RASGRP3: variants seen among roughly 807,000 people sequenced by gnomAD.
RASGRP3 encodes the protein ras guanyl-releasing protein 3.
In RASGRP3, 54 loss-of-function variants were observed where a neutral mutation model predicts 82.7. That is an observed-to-expected ratio of 0.65 (90% CI 0.52 to 0.82). The LOEUF is 0.82. RASGRP3 is among the 40% of genes least tolerant of loss of function. The probability of loss-of-function intolerance (pLI) is 0.00; values close to 1 mark genes in which losing one functional copy is unlikely to be tolerated. For synonymous variants in RASGRP3, 309 were observed against 300.5 expected (o/e 1.03, Z -0.29); for missense variants, 861 against 828.9 (o/e 1.04, Z -0.48).
At chr2:33,550,932 A>C (rs1396783965) in intron 14 of RASGRP3, among the ~76,000 whole-genome samples, 1 of 152,184 alleles carries the variant, frequency 6.6e-6, no homozygotes, top group African/African-American at 2.4e-5. Flanking sequence ...AAGCCAGTCT[A>C]ACTAGCTCTC....
chr2:33,472,287 A>T (rs1667102993), upstream of RASGRP3, among the ~76,000 whole-genome samples: 1 of 152,226 alleles, frequency 6.6e-6, no homozygotes, highest in African/African-American at 2.4e-5. Context: ...ATAATACAGA[A>T]AGAAATGCAA....
intron 2 of RASGRP3, among the ~76,000 whole-genome samples, chr2:33,465,725 A>C (rs900557788): frequency 2.0e-5 from 3 of 152,242 alleles, no homozygotes; most frequent in African/African-American, 7.2e-5. Flanking sequence ...GCTAGAAAGA[A>C]GTCCATGTCT....
chr2:33,513,908 A>G (rs1467813271), intron 2 of RASGRP3: 2 of 152,218 alleles, frequency 1.3e-5, no homozygotes, highest in Admixed American at 6.5e-5. Context: ...AGGCAAAACT[A>G]TGATGGTTTG....
chr2:33,436,472 G>A (rs528116071), exon 1 of RASGRP3: 1 of 152,308 alleles, frequency 6.6e-6, no homozygotes, highest in African/African-American at 2.4e-5. Context: ...CAGCATTTTA[G>A]AAGACAGAAC....
chr2:33,480,279 G>C (rs998374746), intron 1 of RASGRP3, among the ~76,000 whole-genome samples: 20 of 152,254 alleles, frequency 1.3e-4, no homozygotes, highest in Admixed American at 1.3e-3. Flanking sequence ...TCCTGACCTG[G>C]TGATCCACCC....
chr2:33,454,102 C>G (rs1354657008), intron 2 of RASGRP3, among the ~76,000 whole-genome samples: 4 of 150,558 alleles, frequency 2.7e-5, no homozygotes, highest in Non-Finnish European at 5.9e-5. Flanking sequence ...TGAGTCAATT[C>G]TTGTTACTTT....
intron 1 of RASGRP3, among the ~76,000 whole-genome samples, chr2:33,492,720 T>A (rs779607599): frequency 9.2e-5 from 14 of 152,106 alleles, no homozygotes; most frequent in Non-Finnish European, 1.6e-4. Flanking sequence ...CTGTGAGAAA[T>A]AAATTTCTGT....
Position 33,522,016 on chromosome 2 carries a change from G to T in RASGRP3, c.430G>T (p.Ala144Ser), listed in dbSNP as rs1266501844. Residue 144 changes from alanine to serine, a missense_variant, in exon 7 of 18, where the codon GCC becomes TCC. By Grantham distance (99) the Ala-to-Ser change is moderately conservative (BLOSUM62 1). Transcript: ENST00000403687. ...QRKKVSKKGK[A>S]CLLFDHLEPI... ...GAAAAAAGTATCCAAGAAGGGAAAA[G>T]CCTGTCTGCTGTTTGACCATCTGGA... The T allele has an allele frequency of 6.2e-7, 1 of 1,613,818 alleles. No homozygotes were observed. The highest frequency in any genetic ancestry group is 8.5e-7 in the Non-Finnish European group (1 of 1,179,858).
At chr2:33,437,923 T>C (rs1665012482) in intron 1 of RASGRP3, among the ~76,000 whole-genome samples, 1 of 152,188 alleles carries the variant, frequency 6.6e-6, no homozygotes, top group African/African-American at 2.4e-5. Flanking sequence ...TTTCAGGACA[T>C]TCCAGTGCTG....
In RASGRP3 at chr2:33,558,971, C is replaced by T. The variant is rs376854458; in HGVS notation, c.2005C>T (p.Arg669Trp). The part of the protein sequence containing the change: ...RVHAGVDVVD[R>W]GTEFELDQDE... Reference sequence around the variant, plus strand: ...GCATGCTGGTGTGGATGTTGTAGACCGGGGCACGGAGTTTGAACTTGACCA... The same window carrying T: ...GCATGCTGGTGTGGATGTTGTAGACTGGGGCACGGAGTTTGAACTTGACCA... Residue 669 changes from arginine to tryptophan, a missense_variant, in exon 17 of 18, where the codon CGG (arginine) becomes TGG (tryptophan). Physicochemically the swap from Arg to Trp is moderately radical, Grantham distance 101 (BLOSUM62 -3). Transcript: ENST00000403687. The T allele has an allele frequency of 3.7e-4, 603 of 1,613,654 alleles. No individual in the cohort carries two copies. The highest frequency in any genetic ancestry group is 4.8e-4 in the Non-Finnish European group (566 of 1,179,852).
rs148995913 is a variant in RASGRP3 at position 33,544,667 on chromosome 2, T to C, written c.1394+1040T>C. Among the ~76,000 whole-genome samples, 53 of 152,318 alleles carry C rather than the reference T, an allele frequency of 3.5e-4. 1 individual carries two copies. In the East Asian group the frequency reaches 0.01, roughly 29 times the overall value. Reference sequence around the variant, plus strand: ...GGCAAATTAAATTACATTAAAATTCTCTAATATTTTTGCTGGTATGAGAAT... The same window carrying C: ...GGCAAATTAAATTACATTAAAATTCCCTAATATTTTTGCTGGTATGAGAAT... On this transcript the variant is annotated intron_variant, in intron 13 of 17. Coordinates refer to ENST00000403687, the MANE Select transcript of RASGRP3 (RefSeq NM_001139488.2).
At chr2:33,558,062 AGACACACCCCATGG>A (rs1676205052) in intron 15 of RASGRP3, 135 bp from the exon 16 acceptor site, 2 of 1,056,200 alleles carry the variant, frequency 1.9e-6, no homozygotes, top group Non-Finnish European at 1.4e-6. Flanking sequence ...TCCAGATCCT[AGACACACCCCATGG>A]GCCTGAGCTC....
chr2:33,465,557 T>C (rs937779467), intron 2 of RASGRP3, among the ~76,000 whole-genome samples: 34 of 152,282 alleles, frequency 2.2e-4, no homozygotes, highest in African/African-American at 7.2e-4. Flanking sequence ...TTAAGTAAAG[T>C]ACAAAATGAA....
At chr2:33,512,237 G>A (rs1670992568) in intron 2 of RASGRP3, among the ~76,000 whole-genome samples, 1 of 152,178 alleles carries the variant, frequency 6.6e-6, no homozygotes, top group African/African-American at 2.4e-5. Flanking sequence ...CCCTAAACGT[G>A]GTGATGAGTC....
intron 10 of RASGRP3, among the ~76,000 whole-genome samples, chr2:33,529,126 T>C (rs1672853498): frequency 1.3e-5 from 2 of 152,100 alleles, no homozygotes; most frequent in Admixed American, 6.6e-5. Flanking sequence ...GGAAATTAAT[T>C]TGAGTTATAA....
intron 1 of RASGRP3, among the ~76,000 whole-genome samples, chr2:33,446,948 C>A (rs1223331895): frequency 6.6e-6 from 1 of 151,848 alleles, no homozygotes; most frequent in Non-Finnish European, 1.5e-5. Context: ...TGGAAACCAT[C>A]CTGGCTAACG....
In RASGRP3 at chr2:33,563,771, TAGAA is replaced by T. The variant is rs1215877392; in HGVS notation, c.*1040_*1043del. On this transcript the variant is annotated 3_prime_UTR_variant, in exon 18 of 18. Coordinates refer to ENST00000403687, the MANE Select transcript of RASGRP3 (RefSeq NM_001139488.2). The stretch of plus-strand genomic sequence containing the variant: ...GCCTTCCACAATTAAAGAATACTCA[TAGAA>T]AGAAAATAATCATAAATCATATTTG... 1 of 152,160 alleles carries T rather than the reference TAGAA, an allele frequency of 6.6e-6. No homozygotes were observed. Among genetic ancestry groups the T allele is most frequent in the Non-Finnish European group, 1.5e-5 (1 of 68,030 alleles). The allele number at this position is 152,160 out of a possible 1,614,324, so 9.4% of individuals were successfully genotyped here.
At chr2:33,523,709 C>T (rs1208171592) in intron 7 of RASGRP3, among the ~76,000 whole-genome samples, 170 bp from the exon 8 acceptor site, 1 of 152,100 alleles carries the variant, frequency 6.6e-6, no homozygotes, top group Admixed American at 6.5e-5. Context: ...AGCAAAATAA[C>T]ATTTTAAAGA....
intron 4 of RASGRP3, among the ~76,000 whole-genome samples, chr2:33,517,812 A>T (rs1242193007): frequency 6.6e-6 from 1 of 152,212 alleles, no homozygotes; most frequent in African/African-American, 2.4e-5. Flanking sequence ...CCACCAATGC[A>T]TGAAACACAA....
Sources: gnomAD v4.1 joint callset for allele counts (sites outside exome capture counted in the v4.1 genomes callset) on GRCh38, gnomAD v4.1.1 for gene constraint, MANE v1.5 for transcripts, NCBI Gene and HGNC (gene_info 2026-07-23, HGNC 2026-07-21) for gene names.